Variants in GALR1 observed in about 807,000 individuals in gnomAD.
The protein encoded by GALR1 is galanin receptor type 1.
In GALR1, 11 loss-of-function variants were observed where a neutral mutation model predicts 17.9. That is an observed-to-expected ratio of 0.62 (90% CI 0.39 to 1.02). GALR1 has a LOEUF of 1.02. Among genes scored for constraint, GALR1 ranks in the 50% least tolerant of loss-of-function variants. The pLI is 0.01. For missense variants in GALR1, 441 were observed against 456.9 expected (o/e 0.97, Z 0.32); for synonymous variants, 206 against 205.7 (o/e 1.00, Z -0.01).
intron 2 of GALR1, among the ~76,000 whole-genome samples, chr18:77,262,978 G>A (rs55830118): frequency 0.13 from 19,991 of 152,088 alleles, 1,574 homozygotes; most frequent in East Asian, 0.34. Context: ...CCGGCCTCAG[G>A]GCACACTACC....
At chr18:77,252,872 C>CCAT (rs1912456444) in intron 1 of GALR1, among the ~76,000 whole-genome samples, 57 of 76,398 alleles carry the variant, frequency 7.5e-4, no homozygotes, top group African/African-American at 2.3e-3. Flanking sequence ...ACCACCACCA[C>CCAT]CACCACCATC....
chr18:77,274,474 C>G lies in GALR1; in HGVS notation c.*5572C>G, dbSNP rs375051821. 1 of 152,218 alleles carries G rather than the reference C, an allele frequency of 6.6e-6. No individual in the cohort carries two copies. Among genetic ancestry groups the G allele is most frequent in the Non-Finnish European group, 1.5e-5 (1 of 68,108 alleles). 9.4% of individuals were successfully genotyped at this position (152,218 alleles called of 1,614,324 possible). On this transcript the variant is annotated 3_prime_UTR_variant, in exon 3 of 3. Coordinates refer to ENST00000299727, the MANE Select transcript of GALR1 (RefSeq NM_001480.4). ...TTCTGCAATGGGATACCAAAGATGA[C>G]GTGTAAGGCCTTCAGTATATAATGG...
In GALR1 at chr18:77,274,883, G is replaced by A. The variant is rs2144973169; in HGVS notation, c.*5981G>A. On this transcript the variant is annotated 3_prime_UTR_variant, in exon 3 of 3. Coordinates refer to ENST00000299727, the MANE Select transcript of GALR1 (RefSeq NM_001480.4). ...TATTCTTCCCTACTCTTTTCTTAAA[G>A]TTGGTCATATTTCTACACTTGAGAT... 1 of 152,200 alleles carries A rather than the reference G, an allele frequency of 6.6e-6. No individual in the cohort carries two copies. The highest frequency in any genetic ancestry group is 2.4e-5 in the African/African-American group (1 of 41,522). The allele number at this position is 152,200 out of a possible 1,614,324, so 9.4% of individuals were successfully genotyped here.
chr18:77,257,689 G>A (rs1417821288), intron 2 of GALR1, among the ~76,000 whole-genome samples: 5 of 152,166 alleles, frequency 3.3e-5, no homozygotes, highest in Admixed American at 2.0e-4. Flanking sequence ...TATTTTTAGA[G>A]CACCTGCTCT....
chr18:77,256,486 G>A (rs115192437), intron 2 of GALR1, among the ~76,000 whole-genome samples: 2 of 132,540 alleles, frequency 1.5e-5, no homozygotes, highest in Admixed American at 7.6e-5. Context: ...CTGATTGTGC[G>A]CCTCACCAGG....
At position 77,270,042 on chromosome 18, in the gene GALR1, C is replaced by T. The variant is rs1435487329; in HGVS notation, c.*1140C>T. 2 of 152,266 alleles carry T rather than the reference C, an allele frequency of 1.3e-5. No homozygotes were observed. The highest frequency in any genetic ancestry group is 2.1e-4 in the South Asian group (1 of 4,828). 9.4% of individuals were successfully genotyped at this position (152,266 alleles called of 1,614,324 possible). ...TGTTAATTTGGGGTTAAAACCATCA[C>T]CATTTGAATTTCAAATGTAGTTTTC... is the stretch of plus-strand genomic sequence containing the variant. On this transcript the variant is annotated 3_prime_UTR_variant, in exon 3 of 3. Transcript: ENST00000299727.
chr18:77,256,234 CAA>C lies in GALR1; in HGVS notation c.732+13_732+14del. The C allele has an allele frequency of 2.8e-6, 4 of 1,422,510 alleles. No homozygotes were observed. Among genetic ancestry groups the C allele is most frequent in the Non-Finnish European group, 3.0e-6 (3 of 1,008,036 alleles). The allele number at this position is 1,422,510 out of a possible 1,614,324, so 88.1% of individuals were successfully genotyped here. A position where few individuals can be genotyped will look rare whatever the true frequency, so the allele number is the denominator to read the frequency against. On this transcript the variant is annotated intron_variant, in intron 2 of 2. Transcript: ENST00000299727. ...GCATCCAAGAAAAAGGTAATGATCA[CAA>C]ATATATATATATATGTTACTTTTCA...
rs1912993273 is a variant in GALR1 at position 77,268,626 on chromosome 18, C to T, written c.774C>T (p.Ile258=). The change falls in exon 3 of 3, where the codon ATC becomes ATT. Residue 258 remains isoleucine (I), a synonymous_variant. Transcript: ENST00000299727. ...TGGTGGTGGTTGTGGTGTTTGGAAT[C>T]TCCTGGCTGCCGCACCACATCATCC... ...TVLVVVVVFG[I]SWLPHHIIHL... The T allele has an allele frequency of 6.2e-7, 1 of 1,613,964 alleles. No homozygotes were observed. Among genetic ancestry groups the T allele is most frequent in the South Asian group, 1.1e-5 (1 of 91,084 alleles).
intron 2 of GALR1, among the ~76,000 whole-genome samples, chr18:77,264,644 T>C: frequency 6.6e-6 from 1 of 152,036 alleles, no homozygotes; most frequent in Non-Finnish European, 1.5e-5. Flanking sequence ...CAAGACTGGG[T>C]AATTTATAAA....
Position 77,274,840 on chromosome 18 carries a change from T to C in GALR1, c.*5938T>C, listed in dbSNP as rs2000842. On this transcript the variant is annotated 3_prime_UTR_variant, in exon 3 of 3. Transcript: ENST00000299727. ...GCCTTCATTCACTCTTTTTATTACT[T>C]ATACACATGTCTGTTTTTATTCTTC... 0.17 allele frequency: 25,633 copies of C among 152,218 alleles called. 2,511 individuals carry two copies. The highest frequency in any genetic ancestry group is 0.26 in the African/African-American group (10,798 of 41,506). 9.4% of individuals were successfully genotyped at this position (152,218 alleles called of 1,614,324 possible). A position where few individuals can be genotyped will look rare whatever the true frequency, so the allele number is the denominator to read the frequency against.
At chr18:77,268,564 C>A (rs1568144673) in intron 2 of GALR1, 21 bp from the exon 3 acceptor site, 1 of 1,585,216 alleles carries the variant, frequency 6.3e-7, no homozygotes, top group Non-Finnish European at 8.6e-7. Context: ...TCCTCCTCCT[C>A]CTCCTCTTCT....
rs1599367615 is a variant in GALR1 at position 77,272,733 on chromosome 18, A to AG, written c.*3831_*3832insG. 1.3e-5 allele frequency: 2 copies of AG among 152,242 alleles called. No individual in the cohort carries two copies. Among genetic ancestry groups the AG allele is most frequent in the East Asian group, 3.8e-4 (2 of 5,198 alleles). The allele number at this position is 152,242 out of a possible 1,614,324, so 9.4% of individuals were successfully genotyped here. ...TCAAGTAGATGTTAATGACTTGTTT[A>AG]ATTATTGACTTACTTATTTTAAAAG... On this transcript the variant is annotated 3_prime_UTR_variant, in exon 3 of 3. Coordinates refer to ENST00000299727, the MANE Select transcript of GALR1 (RefSeq NM_001480.4).
intron 1 of GALR1, among the ~76,000 whole-genome samples, chr18:77,255,502 A>G (rs898140710): frequency 1.3e-5 from 2 of 152,230 alleles, no homozygotes; most frequent in Non-Finnish European, 2.9e-5. Flanking sequence ...CACAGTGGGT[A>G]GGATTTGAAT....
At chr18:77,251,695 C>G (rs1912421741) in intron 1 of GALR1, among the ~76,000 whole-genome samples, 1 of 152,140 alleles carries the variant, frequency 6.6e-6, no homozygotes, top group African/African-American at 2.4e-5. Context: ...GAGCGCGGAC[C>G]TTTTGCGAGG....
chr18:77,257,797 C>G (rs900397477), intron 2 of GALR1, among the ~76,000 whole-genome samples: 2 of 152,186 alleles, frequency 1.3e-5, no homozygotes, highest in Non-Finnish European at 2.9e-5. Flanking sequence ...GTCCCAGAGG[C>G]CTGTTCAAGG....
chr18:77,260,351 G>A (rs1912803777), intron 2 of GALR1, among the ~76,000 whole-genome samples: 1 of 152,136 alleles, frequency 6.6e-6, no homozygotes, highest in South Asian at 2.1e-4. Flanking sequence ...GTGTAAGGCA[G>A]CTCTCTGGGC....
intron 2 of GALR1, among the ~76,000 whole-genome samples, chr18:77,262,758 A>C (rs577438931): frequency 6.6e-6 from 1 of 152,372 alleles, no homozygotes; most frequent in South Asian, 2.1e-4. Context: ...CAGATGATAT[A>C]GTTTATGCAA....
At chr18:77,255,319 A>G (rs986664622) in intron 1 of GALR1, among the ~76,000 whole-genome samples, 4 of 152,152 alleles carry the variant, frequency 2.6e-5, no homozygotes, top group African/African-American at 9.7e-5. Context: ...TTTTCATATC[A>G]TTTCTCCTGA....
intron 2 of GALR1, among the ~76,000 whole-genome samples, chr18:77,258,544 T>C: frequency 5.7e-5 from 6 of 105,090 alleles, no homozygotes; most frequent in African/African-American, 1.8e-4. Flanking sequence ...GCGATTGTGG[T>C]GGTGATGGTG....
Sources: gnomAD v4.1 joint callset for allele counts (sites outside exome capture counted in the v4.1 genomes callset) on GRCh38, gnomAD v4.1.1 for gene constraint, MANE v1.5 for transcripts, NCBI Gene and HGNC (gene_info 2026-07-23, HGNC 2026-07-21) for gene names.